Variants in GRID2 observed in about 807,000 individuals in gnomAD.
The protein encoded by GRID2 is glutamate ionotropic receptor delta type subunit 2.
GRID2 carries 33 observed loss-of-function variants against 114.8 expected under a neutral mutation model. The ratio of observed to expected loss-of-function variants is 0.29; its 90% CI spans 0.22 to 0.38. The LOEUF (loss-of-function observed/expected upper bound fraction) is 0.38. Ranked by LOEUF, GRID2 falls within the 10% of genes least tolerant of loss-of-function variation. GRID2 has a pLI of 1.00. For missense variants in GRID2, 1,184 were observed against 1,257.7 expected (o/e 0.94, Z 0.89); for synonymous variants, 505 against 449.9 (o/e 1.12, Z -1.55).
chr4:93,680,852 C>T (rs1725453347), intron 14 of GRID2, among the ~76,000 whole-genome samples: 2 of 152,030 alleles, frequency 1.3e-5, no homozygotes, highest in South Asian at 4.1e-4. Flanking sequence ...TGGAAGCATT[C>T]CCTTTGAAAA....
chr4:93,125,949 T>C (rs1734227037), intron 4 of GRID2, among the ~76,000 whole-genome samples: 3 of 152,196 alleles, frequency 2.0e-5, no homozygotes, highest in Admixed American at 2.0e-4. Flanking sequence ...AGTGGCTGTT[T>C]TACAGAGTTT....
intron 10 of GRID2, among the ~76,000 whole-genome samples, chr4:93,449,184 G>A (rs929936758): frequency 1.3e-4 from 20 of 151,804 alleles, no homozygotes; most frequent in Non-Finnish European, 2.5e-4. Flanking sequence ...CTCTTGAACA[G>A]CAAGAGAAGG....
At chr4:92,659,596 T>C (rs764065790) in intron 2 of GRID2, among the ~76,000 whole-genome samples, 1 of 151,594 alleles carries the variant, frequency 6.6e-6, no homozygotes, top group Non-Finnish European at 1.5e-5. Flanking sequence ...TTTTGTTTTC[T>C]AAGATGTACT....
intron 2 of GRID2, among the ~76,000 whole-genome samples, chr4:92,669,533 C>T (rs111604481): frequency 4.7e-4 from 72 of 152,012 alleles, no homozygotes; most frequent in African/African-American, 1.6e-3. Context: ...GCTGACAGAG[C>T]AAACCAACAT....
intron 1 of GRID2, among the ~76,000 whole-genome samples, chr4:92,359,732 C>A (rs748782707): frequency 5.3e-5 from 8 of 151,906 alleles, no homozygotes; most frequent in Non-Finnish European, 1.2e-4. Context: ...TCTGAAGTGG[C>A]ACACCTGCTC....
chr4:93,486,975 G>A (rs1278061177), intron 11 of GRID2, among the ~76,000 whole-genome samples: 1 of 151,846 alleles, frequency 6.6e-6, no homozygotes, highest in Non-Finnish European at 1.5e-5. Flanking sequence ...TTTGTGGTGC[G>A]TAGGTTTTAA....
At chr4:93,805,891 G>A (rs1735019345) in intron 1 of GRID2, among the ~76,000 whole-genome samples, 1 of 152,192 alleles carries the variant, frequency 6.6e-6, no homozygotes, top group South Asian at 2.1e-4. Context: ...GAGGTCTAGA[G>A]TTTGAGACTA....
At chr4:92,547,639 G>C (rs867686552) in intron 1 of GRID2, among the ~76,000 whole-genome samples, 36 of 151,666 alleles carry the variant, frequency 2.4e-4, no homozygotes, top group African/African-American at 8.2e-4. Context: ...ATTGTTATTT[G>C]GGGTAAATAG....
rs566221280 is a variant in GRID2 at position 93,378,732 on chromosome 4, C to T, written c.1246-16875C>T. 7.9e-5 allele frequency among the ~76,000 whole-genome samples: 12 copies of T among 152,070 alleles called. No homozygotes were observed. The South Asian group carries it at 2.3e-3, about 29-fold the overall frequency. ...TTATTCCAAATTTTCTGATATTGCC[C>T]AAGTGTCTTTTCTGAATCTATGTCT... On this transcript the variant is annotated intron_variant, in intron 8 of 15. Transcript: ENST00000282020.
chr4:93,446,853 C>A (rs571887443), intron 10 of GRID2, among the ~76,000 whole-genome samples: 2 of 151,724 alleles, frequency 1.3e-5, no homozygotes, highest in African/African-American at 4.8e-5. Context: ...CATTTTACAA[C>A]TCTATTAAAT....
At chr4:93,738,607 C>T (rs1731121014) in intron 14 of GRID2, among the ~76,000 whole-genome samples, 1 of 152,104 alleles carries the variant, frequency 6.6e-6, no homozygotes, top group African/African-American at 2.4e-5. Context: ...GACTTTGGGG[C>T]TCTAAATTAA....
At chr4:92,695,891 A>G (rs955153585) in intron 2 of GRID2, among the ~76,000 whole-genome samples, 1 of 152,176 alleles carries the variant, frequency 6.6e-6, no homozygotes, top group Non-Finnish European at 1.5e-5. Flanking sequence ...GATAAGCCTT[A>G]CTTTTCAGAT....
chr4:93,156,063 A>G (rs1737158000), intron 4 of GRID2, among the ~76,000 whole-genome samples: 2 of 151,782 alleles, frequency 1.3e-5, no homozygotes, highest in African/African-American at 4.8e-5. Flanking sequence ...GTATGCCGGT[A>G]TCAGAATATC....
intron 2 of GRID2, among the ~76,000 whole-genome samples, chr4:92,655,555 T>C (rs1284204949): frequency 1.3e-5 from 2 of 151,926 alleles, no homozygotes; most frequent in Admixed American, 6.6e-5. Flanking sequence ...TTTCTTTCAC[T>C]GGTGTTTTAT....
intron 1 of GRID2, among the ~76,000 whole-genome samples, chr4:92,345,563 A>T (rs1193659124): frequency 6.6e-6 from 1 of 152,188 alleles, no homozygotes; most frequent in Non-Finnish European, 1.5e-5. Flanking sequence ...TTCTACCAGG[A>T]GTGTAAAAGT....
chr4:93,501,722 G>A (rs1728127698), intron 12 of GRID2, among the ~76,000 whole-genome samples: 1 of 152,008 alleles, frequency 6.6e-6, no homozygotes, highest in African/African-American at 2.4e-5. Context: ...GGCTATGTTA[G>A]CATTTCCATA....
chr4:92,540,816 T>A (rs1725902140), intron 1 of GRID2, among the ~76,000 whole-genome samples: 1 of 152,168 alleles, frequency 6.6e-6, no homozygotes, highest in Non-Finnish European at 1.5e-5. Context: ...GGATTATAAA[T>A]CATGCTGCTA....
chr4:93,148,892 A>G (rs1327769322), intron 4 of GRID2, among the ~76,000 whole-genome samples: 1 of 152,186 alleles, frequency 6.6e-6, no homozygotes, highest in African/African-American at 2.4e-5. Flanking sequence ...GATTCTTGGA[A>G]AAGAATTTCA....
At chr4:92,567,940 A>T (rs1185231936) in intron 1 of GRID2, among the ~76,000 whole-genome samples, 2 of 152,036 alleles carry the variant, frequency 1.3e-5, no homozygotes, top group Non-Finnish European at 2.9e-5. Flanking sequence ...GGAAATAATA[A>T]ACAAGAGATA....
Sources: allele counts gnomAD v4.1 joint callset (sites outside exome capture counted in the v4.1 genomes callset), GRCh38; gene constraint gnomAD v4.1.1; transcripts MANE v1.5; gene names NCBI Gene and HGNC (gene_info 2026-07-23, HGNC 2026-07-21).